IL6R: variants seen among roughly 807,000 people sequenced by gnomAD.
The protein encoded by IL6R is interleukin-6 receptor subunit alpha.
IL6R carries 38 observed loss-of-function variants against 48.3 expected under a neutral mutation model. The observed-to-expected ratio is 0.79, with a 90% CI of 0.61 to 1.03. The LOEUF (loss-of-function observed/expected upper bound fraction) is 1.03. IL6R is among the 50% of genes least tolerant of loss of function. The pLI is 0.00. For synonymous variants in IL6R, 264 were observed against 256.2 expected (o/e 1.03, Z -0.29); for missense variants, 534 against 618.3 (o/e 0.86, Z 1.45).
intron 9 of IL6R, among the ~76,000 whole-genome samples, chr1:154,462,793 TTTTA>T (rs746893682): frequency 1.3e-5 from 2 of 152,162 alleles, no homozygotes; most frequent in African/African-American, 4.8e-5. Context: ...GTTATTTTGC[TTTTA>T]TTTAATTAAT....
chr1:154,429,073 A>G, intron 1 of IL6R, 123 bp from the exon 2 acceptor site: 1 of 1,080,992 alleles, frequency 9.3e-7, no homozygotes, highest in Admixed American at 2.1e-5. Context: ...ATCCAGGCAG[A>G]GGTGACGGTA....
chr1:154,422,862 C>T (rs1159947005), intron 1 of IL6R, among the ~76,000 whole-genome samples: 2 of 152,194 alleles, frequency 1.3e-5, no homozygotes, highest in East Asian at 1.9e-4. Context: ...CCCCTCCTCA[C>T]CTGGTTCCTC....
chr1:154,422,042 G>A lies in IL6R; in HGVS notation c.86-7154G>A, dbSNP rs1570937554. On this transcript the variant is annotated intron_variant, in intron 1 of 9. Transcript: ENST00000368485. ...GTTCACTGCAATCTCTGCCTCCTGGGTTCAAGTGATTCTCCTGCCTCAGCC... is the reference window on the plus strand; with the variant it reads ...GTTCACTGCAATCTCTGCCTCCTGGATTCAAGTGATTCTCCTGCCTCAGCC... 2.6e-5 allele frequency among the ~76,000 whole-genome samples: 4 copies of A among 152,138 alleles called. No individual in the cohort carries two copies. In the East Asian group the frequency reaches 7.7e-4, roughly 29 times the overall value.
chr1:154,448,273 TA>T (rs1690386002), intron 7 of IL6R, 102 bp downstream of exon 7: 5 of 871,464 alleles, frequency 5.7e-6, no homozygotes, highest in Non-Finnish European at 7.7e-6. Flanking sequence ...GTTCTGTCAC[TA>T]GTAGAAATGT....
In IL6R at chr1:154,430,523, C is replaced by T; in HGVS notation, c.375C>T (p.Ser125=). ...EEPQLSCFRK[S]PLSNVVCEWG... ...CCCAGCTCTCCTGCTTCCGGAAGAG[C>T]CCCCTCAGCAATGTTGTTTGTGAGT... The change falls in exon 3 of 10, where the codon AGC becomes AGT. Residue 125 remains serine, a synonymous_variant. Transcript: ENST00000368485. The T allele has an allele frequency of 6.2e-7, 1 of 1,613,974 alleles. No individual in the cohort carries two copies. Among genetic ancestry groups the T allele is most frequent in the Middle Eastern group, 1.7e-4 (1 of 6,032 alleles).
At position 154,405,806 on chromosome 1, in the gene IL6R, G is replaced by A; in HGVS notation, c.85+92G>A. 4 of 954,982 alleles carry A rather than the reference G, an allele frequency of 4.2e-6. No homozygotes were observed. 59.2% of individuals were successfully genotyped at this position (954,982 alleles called of 1,614,324 possible). A position where few individuals can be genotyped will look rare whatever the true frequency, so the allele number is the denominator to read the frequency against. ...CGCAGTCTGTGGGAGGCTGGAGGGA[G>A]GAAAGGAGGTGCGACGGATCCCCTT... On this transcript the variant is annotated intron_variant, in intron 1 of 9. Transcript: ENST00000368485. This position sits in a 1 kb window ranked among gnomAD's most constrained non-coding sequence, Gnocchi z 5.2.
rs1169510152 is a variant in IL6R, at chr1:154,444,948, A to G, written c.950-3177A>G. 3 of 369,156 alleles carry G rather than the reference A, an allele frequency of 8.1e-6. No homozygotes were observed. The East Asian group carries it at 2.6e-4, about 32-fold the overall frequency. 22.9% of individuals were successfully genotyped at this position (369,156 alleles called of 1,614,324 possible). A position where few individuals can be genotyped will look rare whatever the true frequency, so the allele number is the denominator to read the frequency against. On this transcript the variant is annotated intron_variant, in intron 6 of 9. Coordinates refer to ENST00000368485, the MANE Select transcript of IL6R (RefSeq NM_000565.4). ...ACTGCCCCCCACACCCGCCCCCCCCAAATGAGGAAGGGTGAAACCTCAAAA... is the reference window on the plus strand; with the variant it reads ...ACTGCCCCCCACACCCGCCCCCCCCGAATGAGGAAGGGTGAAACCTCAAAA...
Position 154,405,700 on chromosome 1 carries a change from G to C in IL6R, c.71G>C (p.Arg24Pro). 2 of 1,518,472 alleles carry C rather than the reference G, an allele frequency of 1.3e-6. No homozygotes were observed. Among genetic ancestry groups the C allele is most frequent in the Non-Finnish European group, 1.8e-6 (2 of 1,140,446 alleles). 94.1% of individuals were successfully genotyped at this position (1,518,472 alleles called of 1,614,324 possible). The change falls in exon 1 of 10, where the codon CGC (arginine) becomes CCC (proline). Residue 24 changes from arginine to proline, a missense_variant. By Grantham distance (103) the Arg-to-Pro change is moderately radical (BLOSUM62 -2). Coordinates refer to ENST00000368485, the MANE Select transcript of IL6R (RefSeq NM_000565.4). The surrounding 1 kb of genome is among the most constrained non-coding windows in gnomAD (Gnocchi z 5.2). The part of the protein sequence containing the change: ...AAPGAALAPR[R>P]CPAQEVARGV... Reference sequence around the variant, plus strand: ...CCGGGAGCGGCGCTGGCCCCAAGGCGCTGCCCTGCGCAGGGTAAGGGCTTC... The same window carrying C: ...CCGGGAGCGGCGCTGGCCCCAAGGCCCTGCCCTGCGCAGGGTAAGGGCTTC...
chr1:154,411,436 T>C (rs1366109664), intron 1 of IL6R, among the ~76,000 whole-genome samples: 1 of 152,090 alleles, frequency 6.6e-6, no homozygotes, highest in Non-Finnish European at 1.5e-5. Context: ...AGGACTGAGC[T>C]TGAGATGTAA....
In IL6R at chr1:154,418,183, C is replaced by T. The variant is rs867919363; in HGVS notation, c.86-11013C>T. 7.2e-5 allele frequency among the ~76,000 whole-genome samples: 11 copies of T among 152,302 alleles called. No individual in the cohort carries two copies. In the Middle Eastern group the frequency reaches 0.017, roughly 235 times the overall value. ...CCGCACATGGCCTTAGATATCTTTT[C>T]CTCTAATTAGTTTATAATCTCTGAG... On this transcript the variant is annotated intron_variant, in intron 1 of 9. Transcript: ENST00000368485.
chr1:154,450,975 C>T (rs541756887), intron 8 of IL6R, among the ~76,000 whole-genome samples: 34 of 152,192 alleles, frequency 2.2e-4, no homozygotes, highest in Admixed American at 9.8e-4. Flanking sequence ...GTTGGGGACT[C>T]GGAGAGGATT....
chr1:154,420,605 G>A (rs1159440861), intron 1 of IL6R, among the ~76,000 whole-genome samples: 3 of 151,466 alleles, frequency 2.0e-5, no homozygotes, highest in African/African-American at 4.9e-5. Flanking sequence ...TGCAGCCTTC[G>A]ACTCACTGCA....
chr1:154,434,673 A>G lies in IL6R; in HGVS notation c.613A>G (p.Thr205Ala). ...TAGTGTCGGGAGCAAGTTCAGCAAAACTCAAACCTTTCAGGGTTGTGGAAT... is the reference window on the plus strand; with the variant it reads ...TAGTGTCGGGAGCAAGTTCAGCAAAGCTCAAACCTTTCAGGGTTGTGGAAT... ...ASSVGSKFSK[T>A]QTFQGCGILQ... Residue 205 changes from threonine to alanine, a missense_variant, in exon 4 of 10, where the codon ACT becomes GCT. Transcript: ENST00000368485. 3 of 1,613,868 alleles carry G rather than the reference A, an allele frequency of 1.9e-6. No individual in the cohort carries two copies. Among genetic ancestry groups the G allele is most frequent in the Non-Finnish European group, 2.5e-6 (3 of 1,179,964 alleles).
chr1:154,457,557 A>G (rs1690961583), intron 9 of IL6R, among the ~76,000 whole-genome samples: 2 of 152,046 alleles, frequency 1.3e-5, no homozygotes, highest in Non-Finnish European at 2.9e-5. Flanking sequence ...CATCATGCCC[A>G]TTTCATCCCA....
At chr1:154,416,812 A>T (rs1380818654) in intron 1 of IL6R, among the ~76,000 whole-genome samples, 2 of 151,892 alleles carry the variant, frequency 1.3e-5, no homozygotes, top group African/African-American at 4.8e-5. Flanking sequence ...TGTGGTCAGC[A>T]TAGGCCTCAC....
At chr1:154,422,133 G>A (rs1688705582) in intron 1 of IL6R, among the ~76,000 whole-genome samples, 1 of 151,016 alleles carries the variant, frequency 6.6e-6, no homozygotes, top group Admixed American at 6.6e-5. Context: ...TTTAGTATGG[G>A]GTTTCTCCAT....
At position 154,466,998 on chromosome 1, in the gene IL6R, C is replaced by T. The variant is rs114564798; in HGVS notation, c.*1618C>T. 1,688 of 152,700 alleles carry T rather than the reference C, an allele frequency of 0.011. 27 individuals carry two copies. The highest frequency in any genetic ancestry group is 0.047 in the South Asian group (226 of 4,826). The allele number at this position is 152,700 out of a possible 1,614,324, so 9.5% of individuals were successfully genotyped here. A position where few individuals can be genotyped will look rare whatever the true frequency, so the allele number is the denominator to read the frequency against. ...GAAAAACCAGCGTGTGACTACTCCC[C>T]CAGGTGGTTATGGAGAGGGTGTCCG... On this transcript the variant is annotated 3_prime_UTR_variant, in exon 10 of 10. Coordinates refer to ENST00000368485, the MANE Select transcript of IL6R (RefSeq NM_000565.4).
chr1:154,429,510 C>A (rs980955125), intron 2 of IL6R, 66 bp downstream of exon 2: 188 of 1,521,564 alleles, frequency 1.2e-4, no homozygotes, highest in Non-Finnish European at 1.6e-4. Context: ...GCATTCCAGA[C>A]AGTCCCTGTC....
chr1:154,437,675 G>T, intron 6 of IL6R: 1 of 233,448 alleles, frequency 4.3e-6, no homozygotes, highest in South Asian at 4.3e-5. Context: ...GACTCCCAAA[G>T]TGCTGGGATT....
Sources: gnomAD v4.1 joint callset for allele counts (sites outside exome capture counted in the v4.1 genomes callset) on GRCh38, gnomAD v4.1.1 for gene constraint, Gnocchi (gnomAD v3.1) non-coding constraint, MANE v1.5 for transcripts, NCBI Gene and HGNC (gene_info 2026-07-23, HGNC 2026-07-21) for gene names.